The following DPF3 variants were observed in gnomAD, a reference collection of about 807,000 sequenced individuals.
The protein encoded by DPF3 is zinc finger protein DPF3.
Under a neutral mutation model 56.8 loss-of-function variants are expected in DPF3, and 18 were observed. That is an observed-to-expected ratio of 0.32 (90% confidence interval 0.22 to 0.47). DPF3 has a LOEUF of 0.47. Ranked by LOEUF, DPF3 falls within the 20% of genes least tolerant of loss-of-function variation. DPF3 has a pLI of 1.00. For missense variants in DPF3, 403 were observed against 488.8 expected (o/e 0.82, Z 1.65); for synonymous variants, 188 against 180.2 (o/e 1.04, Z -0.35).
Position 72,749,099 on chromosome 14 carries a change from C to T in DPF3, c.301+4165G>A, listed in dbSNP as rs371702689. ...GCTTGCACCTTGCACCTGGAAAAGCCGCAGACACTCAATGCCAGCCCATGA... is the reference window on the plus strand; with the variant it reads ...GCTTGCACCTTGCACCTGGAAAAGCTGCAGACACTCAATGCCAGCCCATGA... On this transcript the variant is annotated intron_variant, in intron 3 of 10. Coordinates refer to ENST00000556509, the MANE Select transcript of DPF3 (RefSeq NM_001280542.3). 6.6e-5 allele frequency among the ~76,000 whole-genome samples: 10 copies of T among 152,306 alleles called. No individual in the cohort carries two copies. In the East Asian group the frequency reaches 1.5e-3, roughly 23 times the overall value.
At chr14:72,642,159 G>A (rs1045546267) in intron 8 of DPF3, among the ~76,000 whole-genome samples, 1 of 152,234 alleles carries the variant, frequency 6.6e-6, no homozygotes, top group Admixed American at 6.5e-5. Flanking sequence ...CATCTGGACT[G>A]CAGCCTCATG....
chr14:72,837,642 G>A (rs1884354814), intron 1 of DPF3, among the ~76,000 whole-genome samples: 1 of 152,122 alleles, frequency 6.6e-6, no homozygotes, highest in African/African-American at 2.4e-5. Flanking sequence ...GGAGGCTGAG[G>A]CAGAAGAATC....
chr14:72,765,767 G>A (rs1336645400), intron 2 of DPF3, among the ~76,000 whole-genome samples: 1 of 152,168 alleles, frequency 6.6e-6, no homozygotes, highest in Non-Finnish European at 1.5e-5. Flanking sequence ...CTAACACGGT[G>A]AAACCCCATC....
chr14:72,834,494 C>CAA (rs375709642), intron 1 of DPF3, among the ~76,000 whole-genome samples: 29,120 of 91,120 alleles, frequency 0.32, 4,436 homozygotes, highest in South Asian at 0.43. Context: ...GAGACTGTCT[C>CAA]AAAAAAAAAA....
rs189911436 is a variant in DPF3 at position 72,755,914 on chromosome 14, G to A, written c.194-2543C>T. On this transcript the variant is annotated intron_variant, in intron 2 of 10. Coordinates refer to ENST00000556509, the MANE Select transcript of DPF3 (RefSeq NM_001280542.3). Reference sequence around the variant, plus strand: ...GTTCAGCCCTGGAGTTCCACTTACAGAGGGAAGAGCAGGGCCCCATGAGAC... The same window carrying A: ...GTTCAGCCCTGGAGTTCCACTTACAAAGGGAAGAGCAGGGCCCCATGAGAC... Among the ~76,000 whole-genome samples, 5 of 152,334 alleles carry A rather than the reference G, an allele frequency of 3.3e-5. No individual in the cohort carries two copies. In the East Asian group the frequency reaches 9.6e-4, roughly 29 times the overall value.
chr14:72,639,715 C>T (rs1461556211), intron 8 of DPF3, among the ~76,000 whole-genome samples: 1 of 152,094 alleles, frequency 6.6e-6, no homozygotes, highest in Non-Finnish European at 1.5e-5. Flanking sequence ...CAGCTGACAA[C>T]TTGACTGCAA....
chr14:72,688,688 G>T (rs1043452177), intron 7 of DPF3, among the ~76,000 whole-genome samples: 5 of 152,196 alleles, frequency 3.3e-5, no homozygotes, highest in Non-Finnish European at 7.3e-5. Flanking sequence ...ATTCATGTAT[G>T]TGTACATCTA....
intron 3 of DPF3, among the ~76,000 whole-genome samples, chr14:72,738,511 C>T (rs1389815407): frequency 1.3e-5 from 2 of 152,018 alleles, no homozygotes; most frequent in Non-Finnish European, 2.9e-5. Flanking sequence ...AACACCCACA[C>T]TGCCCAAGGA....
chr14:72,808,202 T>C (rs1236904727), intron 1 of DPF3, among the ~76,000 whole-genome samples: 1 of 151,954 alleles, frequency 6.6e-6, no homozygotes, highest in Non-Finnish European at 1.5e-5. Context: ...GGAGTAAGGG[T>C]CAGGGCTGGA....
At chr14:72,757,989 CA>C (rs751053842) in intron 2 of DPF3, among the ~76,000 whole-genome samples, 45 of 150,284 alleles carry the variant, frequency 3.0e-4, no homozygotes, top group South Asian at 6.3e-4. Context: ...AGAGAGAGAG[CA>C]AAAATAAAAT....
At chr14:72,715,090 C>T (rs555375547) in intron 5 of DPF3, among the ~76,000 whole-genome samples, 16 of 152,126 alleles carry the variant, frequency 1.1e-4, no homozygotes, top group African/African-American at 3.6e-4. Flanking sequence ...GGGGAGCTCC[C>T]GCCACCAGCC....
At chr14:72,624,744 TTGTC>T (rs150151973) in intron 9 of DPF3, among the ~76,000 whole-genome samples, 2,762 of 152,324 alleles carry the variant, frequency 0.018, 88 homozygotes, top group African/African-American at 0.062. Flanking sequence ...CTCAGTTTCT[TTGTC>T]TTTCATGAGC....
At chr14:72,756,853 A>AAAG (rs1567222880) in intron 2 of DPF3, among the ~76,000 whole-genome samples, 1 of 124,000 alleles carries the variant, frequency 8.1e-6, no homozygotes, top group South Asian at 2.7e-4. Context: ...AGAAAGAAAG[A>AAAG]AAGAAAGAAA....
At chr14:72,753,963 G>A (rs1236560132) in intron 2 of DPF3, among the ~76,000 whole-genome samples, 2 of 151,844 alleles carry the variant, frequency 1.3e-5, no homozygotes, top group East Asian at 3.9e-4. Flanking sequence ...CACATGACCT[G>A]CAGAGCCCGC....
chr14:72,666,942 A>C (rs1008555690), intron 8 of DPF3, among the ~76,000 whole-genome samples: 1 of 152,166 alleles, frequency 6.6e-6, no homozygotes, highest in African/African-American at 2.4e-5. Context: ...ACTGGGATAA[A>C]ATTAATTAAT....
intron 9 of DPF3, among the ~76,000 whole-genome samples, chr14:72,627,808 T>C (rs908295354): frequency 2.0e-5 from 3 of 152,094 alleles, no homozygotes; most frequent in Non-Finnish European, 4.4e-5. Context: ...AATTTGTTCT[T>C]TGTGTTTTTG....
chr14:72,644,995 A>C (rs2526918), intron 8 of DPF3, among the ~76,000 whole-genome samples: 4,135 of 152,332 alleles, frequency 0.027, 151 homozygotes, highest in African/African-American at 0.072. Flanking sequence ...TTTTCAGCAC[A>C]GCACTCCAAG....
At chr14:72,839,386 C>T (rs113232011) in intron 1 of DPF3, among the ~76,000 whole-genome samples, 2,120 of 152,172 alleles carry the variant, frequency 0.014, 29 homozygotes, top group African/African-American at 0.028. Flanking sequence ...CAAAGGCATT[C>T]GGCAATTTGT....
At chr14:72,727,787 A>G (rs1889469112) in intron 4 of DPF3, among the ~76,000 whole-genome samples, 1 of 152,212 alleles carries the variant, frequency 6.6e-6, no homozygotes, top group African/African-American at 2.4e-5. Context: ...GCCTGCACAG[A>G]GGAAGCCCTC....
Sources: gnomAD v4.1 joint callset for allele counts (sites outside exome capture counted in the v4.1 genomes callset) on GRCh38, gnomAD v4.1.1 for gene constraint, MANE v1.5 for transcripts, NCBI Gene and HGNC (gene_info 2026-07-23, HGNC 2026-07-21) for gene names.